The following TRPC4 variants were observed in gnomAD, a reference collection of about 807,000 sequenced individuals.
The protein encoded by TRPC4 is transient receptor potential cation channel subfamily C member 4.
In TRPC4, 49 loss-of-function variants were observed where a neutral mutation model predicts 99.4. The ratio of observed to expected loss-of-function variants is 0.49; its 90% CI spans 0.39 to 0.63. The LOEUF (loss-of-function observed/expected upper bound fraction) is 0.63. Ranked by LOEUF, TRPC4 falls within the 20% of genes least tolerant of loss-of-function variation. The pLI, the probability that TRPC4 is intolerant of heterozygous loss-of-function variation, is 0.00. For synonymous variants in TRPC4, 454 were observed against 425.9 expected (o/e 1.07, Z -0.81); for missense variants, 898 against 1,152.9 (o/e 0.78, Z 3.20).
rs1555265754 is a variant in TRPC4 at position 37,745,460 on chromosome 13, A to ATATATATATGCGTG, written c.897+476_897+477insCACGCATATATATA. 9.1e-3 allele frequency among the ~76,000 whole-genome samples: 45 copies of ATATATATATGCGTG among 4,932 alleles called. 1 individual carries two copies. Among genetic ancestry groups the ATATATATATGCGTG allele is most frequent in the Middle Eastern group, 0.083 (1 of 12 alleles). The allele number at this position is 4,932 out of a possible 152,430, so 3.2% of individuals were successfully genotyped here. A position where few individuals can be genotyped will look rare whatever the true frequency, so the allele number is the denominator to read the frequency against. ...CGTATATATATATATATATATATAT[A>ATATATATATGCGTG]TATATATATATATACACACACACAC... On this transcript the variant is annotated intron_variant, in intron 3 of 10. Coordinates refer to ENST00000379705, the MANE Select transcript of TRPC4 (RefSeq NM_016179.4).
intron 1 of TRPC4, among the ~76,000 whole-genome samples, chr13:37,836,961 T>C (rs370484290): frequency 6.6e-6 from 1 of 152,098 alleles, no homozygotes; most frequent in Non-Finnish European, 1.5e-5. Flanking sequence ...AGGGACTTGG[T>C]GACTTTAGTT....
At chr13:37,760,344 C>T (rs1465927678) in intron 2 of TRPC4, among the ~76,000 whole-genome samples, 4 of 151,916 alleles carry the variant, frequency 2.6e-5, no homozygotes, top group South Asian at 4.1e-4. Context: ...CTATCCAGTT[C>T]TGCCACTCAG....
At chr13:37,829,378 A>G (rs1178554571) in intron 1 of TRPC4, among the ~76,000 whole-genome samples, 1 of 152,254 alleles carries the variant, frequency 6.6e-6, no homozygotes, top group Non-Finnish European at 1.5e-5. Context: ...ATCATAAGTC[A>G]TTAGTGAAAT....
At position 37,665,950 on chromosome 13, in the gene TRPC4, T is replaced by A. The variant is rs1204674722; in HGVS notation, c.1375-2221A>T. 2.0e-5 allele frequency among the ~76,000 whole-genome samples: 3 copies of A among 148,620 alleles called. No individual in the cohort carries two copies. In the East Asian group the frequency reaches 5.9e-4, roughly 29 times the overall value. On this transcript the variant is annotated intron_variant, in intron 5 of 10. Transcript: ENST00000379705. ...TTTCAGAGTCTAGCACTTCTAGTCA[T>A]GGCCAGGAAAAAATGCTGCATGAAT... is the stretch of plus-strand genomic sequence containing the variant.
intron 4 of TRPC4, among the ~76,000 whole-genome samples, chr13:37,678,706 C>G (rs6563568): frequency 2.0e-5 from 3 of 152,082 alleles, no homozygotes; most frequent in Non-Finnish European, 4.4e-5. Flanking sequence ...GTGCTAATCA[C>G]ACTCTTGCAA....
At chr13:37,676,234 A>T (rs1238072784) in intron 4 of TRPC4, among the ~76,000 whole-genome samples, 1 of 151,124 alleles carries the variant, frequency 6.6e-6, no homozygotes, top group Non-Finnish European at 1.5e-5. Context: ...CGTCAAAAAC[A>T]AAAGATAAAG....
At chr13:37,717,772 C>A (rs971293331) in intron 3 of TRPC4, among the ~76,000 whole-genome samples, 2 of 151,996 alleles carry the variant, frequency 1.3e-5, no homozygotes, top group Non-Finnish European at 1.5e-5. Context: ...TTAAGCTACC[C>A]AGTAAGGGGT....
chr13:37,674,028 A>G (rs989829381), intron 5 of TRPC4, among the ~76,000 whole-genome samples, 200 bp downstream of exon 5: 1 of 152,156 alleles, frequency 6.6e-6, no homozygotes, highest in African/African-American at 2.4e-5. Context: ...TTCTACTTAT[A>G]AAAACTTGTT....
intron 1 of TRPC4, among the ~76,000 whole-genome samples, chr13:37,803,466 T>C (rs1409606558): frequency 1.3e-5 from 2 of 152,056 alleles, no homozygotes; most frequent in African/African-American, 4.8e-5. Flanking sequence ...ACAAAATCAT[T>C]CTGATATTTA....
At chr13:37,656,278 A>G (rs1350164451) in intron 6 of TRPC4, among the ~76,000 whole-genome samples, 1 of 152,208 alleles carries the variant, frequency 6.6e-6, no homozygotes, top group Non-Finnish European at 1.5e-5. Flanking sequence ...ACTTCTTGGT[A>G]AATCGTTAAA....
chr13:37,645,089 G>C (rs564466804), intron 8 of TRPC4, among the ~76,000 whole-genome samples: 2 of 151,998 alleles, frequency 1.3e-5, no homozygotes, highest in African/African-American at 4.8e-5. Context: ...TACATCAGAA[G>C]TCACTAGACT....
At chr13:37,662,658 G>A (rs1952485960) in intron 6 of TRPC4, among the ~76,000 whole-genome samples, 1 of 152,194 alleles carries the variant, frequency 6.6e-6, no homozygotes, top group Non-Finnish European at 1.5e-5. Context: ...CGTGGTTACT[G>A]TATGGAGGAA....
chr13:37,706,218 T>G (rs2138959808), intron 3 of TRPC4, among the ~76,000 whole-genome samples: 1 of 152,318 alleles, frequency 6.6e-6, no homozygotes, highest in East Asian at 1.9e-4. Context: ...AGCAGAAGGC[T>G]TATGGGTTTA....
In TRPC4 at chr13:37,867,856, G is replaced by A. The variant is rs559272816; in HGVS notation, c.-28+1739C>T. On this transcript the variant is annotated intron_variant, in intron 1 of 10. Coordinates refer to ENST00000379705, the MANE Select transcript of TRPC4 (RefSeq NM_016179.4). ...TATTTAGCTTTGGATTCCTAAATGA[G>A]GATGTTGAAACAGGTAACTTTTCAG... 6.6e-5 allele frequency among the ~76,000 whole-genome samples: 10 copies of A among 152,162 alleles called. No homozygotes were observed. The East Asian group carries it at 1.7e-3, about 26-fold the overall frequency.
In TRPC4 at chr13:37,801,519, A is replaced by G. The variant is rs150185606; in HGVS notation, c.-27-18159T>C. Among the ~76,000 whole-genome samples, 327 of 152,278 alleles carry G rather than the reference A, an allele frequency of 2.1e-3. 1 individual carries two copies. Among genetic ancestry groups the G allele is most frequent in the African/African-American group, 7.4e-3 (309 of 41,566 alleles). On this transcript the variant is annotated intron_variant, in intron 1 of 10. Transcript: ENST00000379705. ...GAGAGTTAAGAAATAAAAAAAGGTT[A>G]TAAATCTTTTATTCTAATATCACAT...
At chr13:37,736,293 C>T (rs778335417) in intron 3 of TRPC4, among the ~76,000 whole-genome samples, 4 of 152,092 alleles carry the variant, frequency 2.6e-5, no homozygotes, top group Non-Finnish European at 5.9e-5. Context: ...AGTGTGTGCA[C>T]AACCATGGAG....
At chr13:37,826,663 C>T (rs2139568642) in intron 1 of TRPC4, among the ~76,000 whole-genome samples, 1 of 152,194 alleles carries the variant, frequency 6.6e-6, no homozygotes, top group Admixed American at 6.5e-5. Flanking sequence ...TGATGGGCTT[C>T]CCTTTGAGGG....
intron 1 of TRPC4, among the ~76,000 whole-genome samples, chr13:37,843,227 A>G (rs1192783105): frequency 6.6e-6 from 1 of 152,192 alleles, no homozygotes; most frequent in Non-Finnish European, 1.5e-5. Flanking sequence ...TTATGAGGGT[A>G]ATAATATAAA....
intron 1 of TRPC4, among the ~76,000 whole-genome samples, chr13:37,839,492 A>G (rs1446116963): frequency 6.6e-6 from 1 of 152,198 alleles, no homozygotes; most frequent in Non-Finnish European, 1.5e-5. Flanking sequence ...CAATTTGGAA[A>G]CCACCTGAGA....
Sources: allele counts gnomAD v4.1 joint callset (sites outside exome capture counted in the v4.1 genomes callset), GRCh38; gene constraint gnomAD v4.1.1; transcripts MANE v1.5; gene names NCBI Gene and HGNC (gene_info 2026-07-23, HGNC 2026-07-21).